ITFG1: variants seen among roughly 807,000 people sequenced by gnomAD.
ITFG1 encodes T-cell immunomodulatory protein.
Under a neutral mutation model 81.8 loss-of-function variants are expected in ITFG1, and 34 were observed. That is an observed-to-expected ratio of 0.42 (90% CI 0.32 to 0.55). The LOEUF (loss-of-function observed/expected upper bound fraction) is 0.55, where lower values mean the gene tolerates loss of function less well. Ranked by LOEUF, ITFG1 falls within the 20% of genes least tolerant of loss-of-function variation. ITFG1 has a pLI of 0.17. For missense variants in ITFG1, 672 were observed against 755.4 expected, an observed-to-expected ratio of 0.89 and a Z score of 1.29; for synonymous variants, 285 against 270.6, an observed-to-expected ratio of 1.05 and a Z score of -0.52.
intron 6 of ITFG1, among the ~76,000 whole-genome samples, chr16:47,420,517 G>T (rs1007198706): frequency 1.3e-5 from 2 of 152,202 alleles, no homozygotes; most frequent in Non-Finnish European, 2.9e-5. Context: ...AATGATGGAG[G>T]TGGGCCTAAG....
intron 7 of ITFG1, among the ~76,000 whole-genome samples, chr16:47,368,618 A>G (rs1452230533): frequency 6.7e-6 from 1 of 148,986 alleles, no homozygotes; most frequent in Non-Finnish European, 1.5e-5. Flanking sequence ...TAGAGTGGAT[A>G]GAATGTTTCA....
intron 10 of ITFG1, among the ~76,000 whole-genome samples, chr16:47,282,229 A>G (rs965083356): frequency 6.6e-6 from 1 of 151,944 alleles, no homozygotes; most frequent in African/African-American, 2.4e-5. Flanking sequence ...AGTTGTACCC[A>G]TTAAGTAATT....
At chr16:47,296,504 C>T (rs1256777848) in intron 10 of ITFG1, among the ~76,000 whole-genome samples, 8 of 152,092 alleles carry the variant, frequency 5.3e-5, no homozygotes, top group Middle Eastern at 3.2e-3. Context: ...GGCACAATCT[C>T]GGCTCACTGA....
At chr16:47,345,915 A>T (rs909940660) in intron 8 of ITFG1, among the ~76,000 whole-genome samples, 3 of 152,234 alleles carry the variant, frequency 2.0e-5, no homozygotes, top group African/African-American at 7.2e-5. Flanking sequence ...AATGGGCACG[A>T]ATAGAGAAGT....
At chr16:47,175,919 GTTTA>G (rs1445435313) in intron 14 of ITFG1, among the ~76,000 whole-genome samples, 1 of 152,138 alleles carries the variant, frequency 6.6e-6, no homozygotes, top group Non-Finnish European at 1.5e-5. Flanking sequence ...CCCGGCTAAT[GTTTA>G]CAAGTCCAGG....
intron 6 of ITFG1, among the ~76,000 whole-genome samples, chr16:47,388,828 C>T (rs765578718): frequency 5.3e-5 from 8 of 152,174 alleles, no homozygotes; most frequent in Non-Finnish European, 1.2e-4. Context: ...TGTCCTCTCT[C>T]TGTGGACAGT....
intron 14 of ITFG1, among the ~76,000 whole-genome samples, chr16:47,186,071 A>T (rs1020630030): frequency 6.6e-5 from 10 of 151,980 alleles, no homozygotes; most frequent in African/African-American, 2.2e-4. Context: ...AAGAAGTTGA[A>T]TCTCTGAATA....
chr16:47,303,155 C>T (rs1169713737), intron 10 of ITFG1, among the ~76,000 whole-genome samples: 2 of 151,964 alleles, frequency 1.3e-5, no homozygotes, highest in African/African-American at 4.8e-5. Context: ...CCTGTAGTCC[C>T]AGGTACTCTG....
chr16:47,330,452 T>C (rs1967621721), intron 8 of ITFG1, among the ~76,000 whole-genome samples: 1 of 151,916 alleles, frequency 6.6e-6, no homozygotes, highest in African/African-American at 2.4e-5. Flanking sequence ...TTGAATCTAA[T>C]GAAATTAAAG....
At chr16:47,358,649 T>C (rs1450691490) in intron 8 of ITFG1, among the ~76,000 whole-genome samples, 4 of 152,208 alleles carry the variant, frequency 2.6e-5, no homozygotes, top group African/African-American at 9.6e-5. Context: ...AGGATTATAG[T>C]TGAAGGTCTT....
intron 7 of ITFG1, 52 bp downstream of exon 7, chr16:47,375,824 G>C (rs1968316432): frequency 9.6e-7 from 1 of 1,040,886 alleles, no homozygotes; most frequent in East Asian, 2.4e-5. Flanking sequence ...AAAATTGTGT[G>C]CTTTTACTGA....
At chr16:47,220,393 G>A (rs1336991617) in intron 13 of ITFG1, among the ~76,000 whole-genome samples, 2 of 152,194 alleles carry the variant, frequency 1.3e-5, no homozygotes, top group East Asian at 3.8e-4. Context: ...ACCAAACAAC[G>A]GATATTCCGA....
chr16:47,358,249 A>C (rs181879940), intron 8 of ITFG1, among the ~76,000 whole-genome samples: 102 of 152,320 alleles, frequency 6.7e-4, no homozygotes, highest in Middle Eastern at 6.8e-3. Flanking sequence ...GAGTAGGCTA[A>C]GGGAGACAAA....
chr16:47,358,031 T>C (rs1368057529), intron 8 of ITFG1, among the ~76,000 whole-genome samples: 1 of 152,228 alleles, frequency 6.6e-6, no homozygotes, highest in African/African-American at 2.4e-5. Flanking sequence ...GTGGTAACTA[T>C]TGCACTGCAA....
intron 14 of ITFG1, chr16:47,202,128 T>C (rs1965431935): frequency 6.6e-6 from 1 of 152,222 alleles, no homozygotes; most frequent in Non-Finnish European, 1.5e-5. Flanking sequence ...TATGAGGCTA[T>C]TGTTATTCTT....
At chr16:47,175,151 G>T (rs1177682883) in intron 14 of ITFG1, among the ~76,000 whole-genome samples, 2 of 152,030 alleles carry the variant, frequency 1.3e-5, no homozygotes, top group Admixed American at 1.3e-4. Context: ...AATATTTTCT[G>T]TAAGAAATAA....
chr16:47,376,371 A>C (rs1968324763), intron 6 of ITFG1, among the ~76,000 whole-genome samples: 1 of 152,136 alleles, frequency 6.6e-6, no homozygotes, highest in South Asian at 2.1e-4. Context: ...CACCACCCAA[A>C]AGTTTTTGCA....
chr16:47,169,301 A>G (rs913358921), intron 14 of ITFG1, among the ~76,000 whole-genome samples: 1 of 152,176 alleles, frequency 6.6e-6, no homozygotes, highest in Non-Finnish European at 1.5e-5. Context: ...GAATATTGCT[A>G]TCTTAAAGTT....
intron 6 of ITFG1, among the ~76,000 whole-genome samples, chr16:47,387,010 C>T (rs1567482558): frequency 6.6e-6 from 1 of 152,176 alleles, no homozygotes; most frequent in Non-Finnish European, 1.5e-5. Context: ...GACAAACCTA[C>T]AACACCAACC....
Sources: allele counts gnomAD v4.1 joint callset (sites outside exome capture counted in the v4.1 genomes callset), GRCh38; gene constraint gnomAD v4.1.1; transcripts MANE v1.5; gene names NCBI Gene and HGNC (gene_info 2026-07-23, HGNC 2026-07-21).